The following PHF20 variants were observed in gnomAD, a reference collection of about 807,000 sequenced individuals.
The protein encoded by PHF20 is glioma-expressed antigen 2.
A neutral mutation model predicts 113.5 loss-of-function variants in PHF20; 23 were observed. That is an observed-to-expected ratio of 0.20 (90% confidence interval 0.15 to 0.29). The LOEUF (loss-of-function observed/expected upper bound fraction) is 0.29. PHF20 is among the 10% of genes least tolerant of loss of function. The pLI, the probability that PHF20 is intolerant of heterozygous loss-of-function variation, is 1.00. For missense variants in PHF20, 943 were observed against 1,219.6 expected (o/e 0.77, Z 3.38); for synonymous variants, 434 against 457.3 (o/e 0.95, Z 0.65).
chr20:35,926,230 A>ATTTTTTTTT (rs1186510585), intron 13 of PHF20, among the ~76,000 whole-genome samples: 2 of 52,968 alleles, frequency 3.8e-5, no homozygotes, highest in Admixed American at 3.5e-4. Flanking sequence ...ACAGACTTTC[A>ATTTTTTTTT]TTTTTTTTTT....
intron 13 of PHF20, among the ~76,000 whole-genome samples, chr20:35,924,893 G>A (rs978219648): frequency 6.6e-6 from 1 of 151,946 alleles, no homozygotes; most frequent in Non-Finnish European, 1.5e-5. Flanking sequence ...GAGCCACTGC[G>A]CCTGGCCCAT....
chr20:35,864,619 G>T (rs904118014), intron 6 of PHF20, among the ~76,000 whole-genome samples: 2 of 152,158 alleles, frequency 1.3e-5, no homozygotes, highest in Admixed American at 6.6e-5. Context: ...CTCATTGTAA[G>T]ATAGGAAATT....
intron 1 of PHF20, among the ~76,000 whole-genome samples, chr20:35,781,184 C>T (rs1002947204): frequency 6.7e-6 from 1 of 149,650 alleles, no homozygotes; most frequent in Non-Finnish European, 1.5e-5. Flanking sequence ...TGCTCTGTCA[C>T]CCAGGCTGAA....
chr20:35,830,038 C>A (rs1371040516), intron 2 of PHF20, among the ~76,000 whole-genome samples: 3 of 152,194 alleles, frequency 2.0e-5, no homozygotes, highest in Non-Finnish European at 4.4e-5. Flanking sequence ...CTCAGCCTCC[C>A]AAGTAGCTGG....
intron 9 of PHF20, among the ~76,000 whole-genome samples, chr20:35,893,457 C>G (rs2054916127): frequency 6.6e-6 from 1 of 152,110 alleles, no homozygotes; most frequent in African/African-American, 2.4e-5. Flanking sequence ...GCACACGCCA[C>G]CACAGCTAGC....
intron 1 of PHF20, among the ~76,000 whole-genome samples, chr20:35,790,136 C>T (rs111433174): frequency 0.048 from 7,263 of 151,236 alleles, 214 homozygotes; most frequent in African/African-American, 0.089. Flanking sequence ...GAATTACATG[C>T]ATGAGCCACC....
At chr20:35,941,145 G>A (rs569542398) in intron 17 of PHF20, 98 bp downstream of exon 17, 10 of 893,384 alleles carry the variant, frequency 1.1e-5, no homozygotes, top group African/African-American at 6.7e-5. Context: ...TACAGGGACC[G>A]CTGTACTCTT....
intron 1 of PHF20, among the ~76,000 whole-genome samples, chr20:35,777,495 A>G (rs1420869237): frequency 6.6e-6 from 1 of 152,204 alleles, no homozygotes; most frequent in East Asian, 1.9e-4. Flanking sequence ...TTGAAAGTGT[A>G]TCCTAAGTGC....
chr20:35,868,934 T>A (rs986947254), intron 6 of PHF20, among the ~76,000 whole-genome samples: 1 of 151,728 alleles, frequency 6.6e-6, no homozygotes, highest in Admixed American at 6.6e-5. Context: ...CTACTAAAAT[T>A]ACAAAAATTA....
intron 9 of PHF20, chr20:35,887,807 T>TAAAAAAAAAA (rs774278547): frequency 9.5e-6 from 1 of 105,270 alleles, no homozygotes. Context: ...AAGACTGAAT[T>TAAAAAAAAAA]AAAAAAAAAA....
chr20:35,788,998 A>G (rs563685490), intron 1 of PHF20, among the ~76,000 whole-genome samples: 134 of 152,316 alleles, frequency 8.8e-4, no homozygotes, highest in Non-Finnish European at 1.7e-3. Context: ...CAGTTTCAGC[A>G]TAGAGTGATG....
rs75301103 is a variant in PHF20 at position 35,833,657 on chromosome 20, T to C, written c.84-8916T>C. On this transcript the variant is annotated intron_variant, in intron 2 of 17. Transcript: ENST00000374012. ...ATTCAGACTCTTGATCTCTGAAGGT[T>C]TGATCCAAAGGCTAAGTCTTCTCTG... Among the ~76,000 whole-genome samples, 435 of 152,238 alleles carry C rather than the reference T, an allele frequency of 2.9e-3. 2 individuals are homozygous for C. Among genetic ancestry groups the C allele is most frequent in the South Asian group, 7.5e-3 (36 of 4,820 alleles).
At chr20:35,878,693 A>T (rs1178879306) in intron 9 of PHF20, 2 of 778,112 alleles carry the variant, frequency 2.6e-6, no homozygotes, top group South Asian at 1.4e-5. Flanking sequence ...GACTGTTGTT[A>T]TATCATGTAT....
intron 1 of PHF20, among the ~76,000 whole-genome samples, chr20:35,796,223 T>C (rs1354621436): frequency 6.6e-6 from 1 of 152,180 alleles, no homozygotes; most frequent in African/African-American, 2.4e-5. Flanking sequence ...GTAAAGTTAG[T>C]TTATATCTTT....
chr20:35,863,483 C>T (rs148610392), intron 6 of PHF20, 83 bp downstream of exon 6: 13,834 of 1,317,020 alleles, frequency 0.011, 120 homozygotes, highest in East Asian at 0.038. Context: ...AACTTGTGTA[C>T]GTCAATCGTT....
chr20:35,940,423 C>G (rs1048286722), intron 16 of PHF20, among the ~76,000 whole-genome samples: 1 of 138,584 alleles, frequency 7.2e-6, no homozygotes, highest in African/African-American at 2.7e-5. Flanking sequence ...TTTAGTACCC[C>G]CATCCTCCCA....
At chr20:35,924,390 C>A (rs1264809535) in intron 13 of PHF20, among the ~76,000 whole-genome samples, 2 of 151,398 alleles carry the variant, frequency 1.3e-5, no homozygotes, top group East Asian at 3.9e-4. Context: ...GGCAGGGTTT[C>A]TCCATGTTGG....
chr20:35,828,017 T>G lies in PHF20; in HGVS notation c.84-14556T>G, dbSNP rs2042294453. Among the ~76,000 whole-genome samples, 3 of 137,782 alleles carry G rather than the reference T, an allele frequency of 2.2e-5. No individual in the cohort carries two copies. The South Asian group carries it at 6.4e-4, about 29-fold the overall frequency. The allele number at this position is 137,782 out of a possible 152,430, so 90.4% of individuals were successfully genotyped here. ...AGTAAGCTGCACTCATTAGTTTTATTTATTTATTTATTTATTTATTTCTGA... is the reference window on the plus strand; with the variant it reads ...AGTAAGCTGCACTCATTAGTTTTATGTATTTATTTATTTATTTATTTCTGA... On this transcript the variant is annotated intron_variant, in intron 2 of 17. Coordinates refer to ENST00000374012, the MANE Select transcript of PHF20 (RefSeq NM_016436.5).
chr20:35,858,853 G>A (rs528004321), intron 5 of PHF20, among the ~76,000 whole-genome samples: 4 of 152,320 alleles, frequency 2.6e-5, no homozygotes, highest in African/African-American at 7.2e-5. Flanking sequence ...GATTACAGGT[G>A]TGAGCCACTG....
Sources: gnomAD v4.1 joint callset for allele counts (sites outside exome capture counted in the v4.1 genomes callset) on GRCh38, gnomAD v4.1.1 for gene constraint, MANE v1.5 for transcripts, NCBI Gene and HGNC (gene_info 2026-07-23, HGNC 2026-07-21) for gene names.